The following PDE4D variants were observed in gnomAD, a reference collection of about 807,000 sequenced individuals.
PDE4D encodes the protein phosphodiesterase 4D, also known as 3',5'-cyclic-AMP phosphodiesterase 4D.
In PDE4D, 24 loss-of-function variants were observed where a neutral mutation model predicts 87.4. The ratio of observed to expected loss-of-function variants is 0.27; its 90% confidence interval spans 0.20 to 0.39. PDE4D has a LOEUF of 0.39. Among genes scored for constraint, PDE4D ranks in the 10% least tolerant of loss-of-function variants. The pLI is 1.00. For synonymous variants in PDE4D, 384 were observed against 383.2 expected (o/e 1.00, Z -0.02); for missense variants, 714 against 1,041.0 (o/e 0.69, Z 4.32).
chr5:59,937,643 C>T (rs1253546597), intron 3 of PDE4D, among the ~76,000 whole-genome samples: 1 of 152,144 alleles, frequency 6.6e-6, no homozygotes, highest in African/African-American at 2.4e-5. Flanking sequence ...GCCACTAATC[C>T]TATTGAATTA....
intron 1 of PDE4D, among the ~76,000 whole-genome samples, chr5:60,430,535 G>GTTTTT (rs367558098): frequency 2.3e-5 from 3 of 128,102 alleles, no homozygotes; most frequent in African/African-American, 8.7e-5. Flanking sequence ...TTTGTGTTTT[G>GTTTTT]TTTTTTTTTG....
chr5:60,376,966 G>A (rs1041390196), intron 1 of PDE4D, among the ~76,000 whole-genome samples: 6 of 152,132 alleles, frequency 3.9e-5, no homozygotes, highest in East Asian at 1.9e-4. Context: ...AACATCGTAC[G>A]TATGCATGTA....
intron 1 of PDE4D, among the ~76,000 whole-genome samples, chr5:59,654,033 C>T (rs920970203): frequency 6.6e-5 from 10 of 152,088 alleles, no homozygotes; most frequent in African/African-American, 2.2e-4. Context: ...TGGTGGAACA[C>T]CGTCTCTACA....
chr5:58,999,186 C>T (rs1749902059), intron 6 of PDE4D, among the ~76,000 whole-genome samples: 1 of 152,006 alleles, frequency 6.6e-6, no homozygotes, highest in African/African-American at 2.4e-5. Context: ...TAATTTGGCC[C>T]AATAATTTAT....
intron 1 of PDE4D, among the ~76,000 whole-genome samples, chr5:60,287,359 C>T (rs1752510828): frequency 6.6e-6 from 1 of 152,190 alleles, no homozygotes; most frequent in South Asian, 2.1e-4. Flanking sequence ...ACTCCACCCT[C>T]GTATTGCTGT....
At chr5:59,378,345 G>A (rs1785092611) in intron 1 of PDE4D, among the ~76,000 whole-genome samples, 1 of 152,042 alleles carries the variant, frequency 6.6e-6, no homozygotes. Context: ...TAATACTTGG[G>A]TGACAAAATA....
At chr5:60,367,439 G>A (rs1356245822) in intron 1 of PDE4D, among the ~76,000 whole-genome samples, 8 of 137,966 alleles carry the variant, frequency 5.8e-5, no homozygotes, top group Admixed American at 7.2e-5. Context: ...CAACAAGAGC[G>A]AAACTCCATA....
chr5:59,339,683 A>G (rs527596663), intron 1 of PDE4D, among the ~76,000 whole-genome samples: 3 of 152,310 alleles, frequency 2.0e-5, no homozygotes, highest in Non-Finnish European at 4.4e-5. Flanking sequence ...CAGGAGTCAC[A>G]CAGACCTGAA....
rs138266113 is a variant in PDE4D, at chr5:59,483,880, C to G, written c.456-267912G>C. On this transcript the variant is annotated intron_variant, in intron 1 of 14. Transcript: ENST00000340635. ...TTACATTTCCAGAAAGAGGTATACC[C>G]TCTTCTTCCATATTAAAGCTAATTT... 5.4e-3 allele frequency among the ~76,000 whole-genome samples: 826 copies of G among 152,300 alleles called. 11 individuals are homozygous for G. The highest frequency in any genetic ancestry group is 0.018 in the African/African-American group (740 of 41,564).
intron 1 of PDE4D, among the ~76,000 whole-genome samples, chr5:59,769,793 A>C (rs1763258922): frequency 6.6e-6 from 1 of 151,800 alleles, no homozygotes; most frequent in Non-Finnish European, 1.5e-5. Flanking sequence ...GGAATATTTT[A>C]TGTTTCTTAA....
intron 1 of PDE4D, among the ~76,000 whole-genome samples, chr5:59,779,311 C>A (rs113118603): frequency 2.9e-4 from 44 of 152,246 alleles, no homozygotes; most frequent in African/African-American, 1.1e-3. Context: ...TGTAGCCCTC[C>A]ATCCCCAAAC....
chr5:60,121,159 T>C (rs972166147), intron 2 of PDE4D, among the ~76,000 whole-genome samples: 2 of 151,808 alleles, frequency 1.3e-5, no homozygotes, highest in African/African-American at 4.8e-5. Flanking sequence ...CATGTGATCA[T>C]GTGAGTTAAT....
chr5:59,099,298 G>A (rs1049910619), intron 5 of PDE4D, among the ~76,000 whole-genome samples: 1 of 152,298 alleles, frequency 6.6e-6, no homozygotes, highest in South Asian at 2.1e-4. Context: ...TGATCTATCA[G>A]TAAAGATCCG....
chr5:60,454,306 C>A (rs1370071478), intron 1 of PDE4D, among the ~76,000 whole-genome samples: 1 of 152,098 alleles, frequency 6.6e-6, no homozygotes, highest in African/African-American at 2.4e-5. Flanking sequence ...TGGGTATATA[C>A]CCAAAGGATT....
At chr5:59,748,099 CA>C (rs1272718971) in intron 1 of PDE4D, among the ~76,000 whole-genome samples, 1 of 152,200 alleles carries the variant, frequency 6.6e-6, no homozygotes, top group Admixed American at 6.5e-5. Context: ...AGGAGGCCTT[CA>C]CCTCCAGATA....
chr5:59,594,323 T>C (rs548074787), intron 1 of PDE4D, among the ~76,000 whole-genome samples: 2 of 149,394 alleles, frequency 1.3e-5, no homozygotes, highest in East Asian at 4.1e-4. Context: ...TTTATTTATT[T>C]ATTTATTTAT....
At chr5:60,462,246 TG>T (rs1350428012) in intron 1 of PDE4D, among the ~76,000 whole-genome samples, 2 of 152,028 alleles carry the variant, frequency 1.3e-5, no homozygotes. Flanking sequence ...AGGGCCTGGG[TG>T]TGTCTTCACC....
intron 1 of PDE4D, among the ~76,000 whole-genome samples, chr5:59,443,873 A>AG (rs956561702): frequency 3.0e-4 from 45 of 152,112 alleles, no homozygotes; most frequent in African/African-American, 1.0e-3. Flanking sequence ...ATAGGTAATG[A>AG]GGGGAAAAAA....
At chr5:60,095,403 G>C (rs889622349) in intron 2 of PDE4D, among the ~76,000 whole-genome samples, 1 of 152,140 alleles carries the variant, frequency 6.6e-6, no homozygotes, top group Non-Finnish European at 1.5e-5. Context: ...TGGATGCATA[G>C]TATTCTATGG....
Sources: allele counts gnomAD v4.1 joint callset (sites outside exome capture counted in the v4.1 genomes callset), GRCh38; gene constraint gnomAD v4.1.1; transcripts MANE v1.5; gene names NCBI Gene and HGNC (gene_info 2026-07-23, HGNC 2026-07-21).